The following TJP1 variants were observed in gnomAD, a reference collection of about 807,000 sequenced individuals.
TJP1 encodes tight junction protein 1.
TJP1 carries 43 observed loss-of-function variants against 194.2 expected under a neutral mutation model. The observed-to-expected ratio is 0.22, with a 90% CI of 0.17 to 0.29. The LOEUF (loss-of-function observed/expected upper bound fraction) is 0.29, where lower values mean the gene tolerates loss of function less well. Among genes scored for constraint, TJP1 ranks in the 10% least tolerant of loss-of-function variants. TJP1 has a pLI of 1.00. For synonymous variants in TJP1, 801 were observed against 779.0 expected (o/e 1.03, Z -0.47); for missense variants, 1,971 against 2,185.7 (o/e 0.90, Z 1.96).
At chr15:29,893,260 C>G (rs2053369897) in intron 2 of TJP1, among the ~76,000 whole-genome samples, 1 of 152,188 alleles carries the variant, frequency 6.6e-6, no homozygotes, top group African/African-American at 2.4e-5. Context: ...GAAGCTGCTT[C>G]ACGTAGATGA....
chr15:29,770,605 G>A (rs888724475), intron 4 of TJP1, among the ~76,000 whole-genome samples: 2 of 151,312 alleles, frequency 1.3e-5, no homozygotes, highest in East Asian at 1.9e-4. Flanking sequence ...CCAGCTACTC[G>A]GGACGCTGAG....
chr15:29,766,712 T>C (rs949769843), intron 4 of TJP1, among the ~76,000 whole-genome samples, 170 bp from the exon 5 acceptor site: 1 of 152,222 alleles, frequency 6.6e-6, no homozygotes, highest in Non-Finnish European at 1.5e-5. Context: ...CCATAAAGGC[T>C]GTGTTTTCTG....
chr15:29,776,915 A>G (rs993412560), intron 2 of TJP1, among the ~76,000 whole-genome samples: 1 of 152,188 alleles, frequency 6.6e-6, no homozygotes, highest in Non-Finnish European at 1.5e-5. Flanking sequence ...TTCTCCTTGA[A>G]GCAAGGTACT....
At chr15:29,758,547 C>G (rs1415320842) in intron 8 of TJP1, among the ~76,000 whole-genome samples, 1 of 152,092 alleles carries the variant, frequency 6.6e-6, no homozygotes, top group African/African-American at 2.4e-5. Flanking sequence ...TTTTTACAAT[C>G]TAAACTAATG....
At chr15:29,799,615 C>A (rs1263636796) in intron 2 of TJP1, among the ~76,000 whole-genome samples, 1 of 152,028 alleles carries the variant, frequency 6.6e-6, no homozygotes, top group Non-Finnish European at 1.5e-5. Context: ...CAGGGTTTCA[C>A]CATGTTATCC....
At chr15:29,885,140 G>A (rs140292587) in intron 2 of TJP1, among the ~76,000 whole-genome samples, 1 of 152,252 alleles carries the variant, frequency 6.6e-6, no homozygotes, top group African/African-American at 2.4e-5. Context: ...TCCTTTTCGG[G>A]TTCTGTTGTA....
chr15:29,817,315 T>C (rs2049995738), intron 1 of TJP1, among the ~76,000 whole-genome samples: 1 of 152,174 alleles, frequency 6.6e-6, no homozygotes, highest in Admixed American at 6.5e-5. Context: ...TGGTGATTAT[T>C]AGAAAGTCAG....
chr15:29,797,799 G>C (rs892979330), intron 2 of TJP1, among the ~76,000 whole-genome samples: 2 of 152,104 alleles, frequency 1.3e-5, no homozygotes, highest in Non-Finnish European at 2.9e-5. Flanking sequence ...TTGAATACGT[G>C]AAGTCTATGT....
intron 2 of TJP1, among the ~76,000 whole-genome samples, chr15:29,797,725 A>G (rs532715181): frequency 6.6e-6 from 1 of 152,322 alleles, no homozygotes; most frequent in South Asian, 2.1e-4. Context: ...CAAAATATAT[A>G]AAGACTACTG....
intron 1 of TJP1, among the ~76,000 whole-genome samples, chr15:29,967,245 A>G (rs953446884): frequency 1.1e-4 from 16 of 152,068 alleles, no homozygotes; most frequent in African/African-American, 3.9e-4. Flanking sequence ...CATGTTGGTC[A>G]GGCTGGTCTT....
At chr15:29,754,412 A>G (rs1869451764) in intron 8 of TJP1, among the ~76,000 whole-genome samples, 1 of 152,130 alleles carries the variant, frequency 6.6e-6, no homozygotes, top group South Asian at 2.1e-4. Flanking sequence ...AAACTATTGG[A>G]TACTGGGTTT....
intron 25 of TJP1, 90 bp from the exon 26 acceptor site, chr15:29,705,835 T>A: frequency 9.3e-7 from 1 of 1,070,736 alleles, no homozygotes; most frequent in Non-Finnish European, 1.4e-6. Context: ...CTTTCACTTT[T>A]ATTTCTCCAT....
At chr15:29,945,727 T>C (rs1466517843) in intron 2 of TJP1, among the ~76,000 whole-genome samples, 1 of 151,946 alleles carries the variant, frequency 6.6e-6, no homozygotes, top group Non-Finnish European at 1.5e-5. Context: ...GAAAGAACTA[T>C]GAGGCAAGGA....
chr15:29,775,455 G>A (rs991119152), intron 2 of TJP1, among the ~76,000 whole-genome samples: 16 of 152,068 alleles, frequency 1.1e-4, no homozygotes, highest in African/African-American at 1.7e-4. Flanking sequence ...CAAGGGTTTC[G>A]CCACAGTGCA....
At chr15:29,719,190 T>A in intron 20 of TJP1, 52 bp from the exon 21 acceptor site, 1 of 1,485,816 alleles carries the variant, frequency 6.7e-7, no homozygotes, top group Non-Finnish European at 9.0e-7. Flanking sequence ...AATTCTAGTC[T>A]ATTTTATTAG....
At chr15:29,849,566 C>T (rs1163557769) in intron 2 of TJP1, among the ~76,000 whole-genome samples, 2 of 151,586 alleles carry the variant, frequency 1.3e-5, no homozygotes, top group Admixed American at 6.6e-5. Context: ...TGACAAAATG[C>T]TCTCTACTAA....
intron 2 of TJP1, among the ~76,000 whole-genome samples, chr15:29,866,069 T>C (rs2052292510): frequency 6.6e-6 from 1 of 152,226 alleles, no homozygotes; most frequent in Non-Finnish European, 1.5e-5. Context: ...AGAGCTGACA[T>C]AAACTTTGAT....
intron 2 of TJP1, among the ~76,000 whole-genome samples, chr15:29,907,198 A>G (rs1271228985): frequency 6.6e-6 from 1 of 152,034 alleles, no homozygotes; most frequent in East Asian, 2.0e-4. Context: ...TCATGAGGTC[A>G]GGAGATCGAG....
At chr15:29,710,720 A>T (rs2042188170) in intron 24 of TJP1, 111 bp downstream of exon 24, 1 of 1,376,324 alleles carries the variant, frequency 7.3e-7, no homozygotes, top group South Asian at 1.3e-5. Context: ...TTCCCAGCCC[A>T]AAGGTTTCAA....
Sources: allele counts gnomAD v4.1 joint callset (sites outside exome capture counted in the v4.1 genomes callset), GRCh38; gene constraint gnomAD v4.1.1; transcripts MANE v1.5; gene names NCBI Gene and HGNC (gene_info 2026-07-23, HGNC 2026-07-21).